The following RCAN2 variants were observed in gnomAD, a reference collection of about 807,000 sequenced individuals.
RCAN2 encodes the protein regulator of calcineurin 2, also known as calcipressin-2.
In RCAN2, 9 loss-of-function variants were observed where a neutral mutation model predicts 23.6. The observed-to-expected ratio is 0.38, with a 90% CI of 0.23 to 0.67. The LOEUF is 0.67. RCAN2 is among the 30% of genes least tolerant of loss of function. The pLI, the probability that RCAN2 is intolerant of heterozygous loss-of-function variation, is 0.51. For synonymous variants in RCAN2, 109 were observed against 115.7 expected (o/e 0.94, Z 0.37); for missense variants, 273 against 302.3 (o/e 0.90, Z 0.72).
intron 2 of RCAN2, among the ~76,000 whole-genome samples, chr6:46,332,392 C>A (rs548368007): frequency 6.6e-6 from 1 of 151,844 alleles, no homozygotes. Context: ...ATGTGCCATG[C>A]GGGTGTGCTG....
chr6:46,342,804 G>C (rs1764371104), intron 2 of RCAN2, among the ~76,000 whole-genome samples: 1 of 152,012 alleles, frequency 6.6e-6, no homozygotes, highest in Non-Finnish European at 1.5e-5. Flanking sequence ...TTTATGGTTT[G>C]ATGTGGGCTA....
At chr6:46,256,858 A>G (rs1766934493) in intron 2 of RCAN2, among the ~76,000 whole-genome samples, 1 of 152,220 alleles carries the variant, frequency 6.6e-6, no homozygotes, top group Non-Finnish European at 1.5e-5. Flanking sequence ...AAAGCTTCTC[A>G]TAGATCCTTG....
chr6:46,421,434 T>C (rs1766888128), intron 2 of RCAN2, among the ~76,000 whole-genome samples: 1 of 152,140 alleles, frequency 6.6e-6, no homozygotes, highest in African/African-American at 2.4e-5. Flanking sequence ...AATAATGTAA[T>C]AGGAAACTCA....
rs577331081 is a variant in RCAN2, at chr6:46,443,706, C to T, written c.225+13046G>A. ...TTTCTTTATGAACGTCAAATCTTAA[C>T]TACAAGGGTGATTTGGATTCAGTGC... On this transcript the variant is annotated intron_variant, in intron 2 of 4. Transcript: ENST00000371374. 2.0e-5 allele frequency among the ~76,000 whole-genome samples: 3 copies of T among 152,234 alleles called. No homozygotes were observed. In the East Asian group the frequency reaches 5.8e-4, roughly 29 times the overall value.
At chr6:46,260,813 C>A (rs933667139) in intron 2 of RCAN2, among the ~76,000 whole-genome samples, 3 of 152,212 alleles carry the variant, frequency 2.0e-5, no homozygotes, top group African/African-American at 7.2e-5. Flanking sequence ...GAAAGGAGCT[C>A]TCCCACATGT....
chr6:46,480,431 T>A (rs73456906), intron 1 of RCAN2, among the ~76,000 whole-genome samples: 2 of 152,150 alleles, frequency 1.3e-5, no homozygotes, highest in African/African-American at 4.8e-5. Context: ...TACCAAAACA[T>A]AAGCATTTCA....
At chr6:46,305,087 G>A (rs904414362) in intron 2 of RCAN2, among the ~76,000 whole-genome samples, 1 of 152,162 alleles carries the variant, frequency 6.6e-6, no homozygotes, top group East Asian at 1.9e-4. Context: ...ATGCAATTCT[G>A]ATTATCTTCA....
chr6:46,338,460 A>G (rs946858707), intron 2 of RCAN2, among the ~76,000 whole-genome samples: 2 of 152,198 alleles, frequency 1.3e-5, no homozygotes, highest in African/African-American at 2.4e-5. Context: ...AAGCCTGGCT[A>G]GGGTAATCTT....
rs545116043 is a variant in RCAN2, at chr6:46,405,323, G to T, written c.225+51429C>A. On this transcript the variant is annotated intron_variant, in intron 2 of 4. Coordinates refer to ENST00000371374, the MANE Select transcript of RCAN2 (RefSeq NM_001251974.2). ...TTATTGCAAAGAGGGAAAGAACAAA[G>T]CTTCCACAGGGTGGAAGGGGACCCG... Among the ~76,000 whole-genome samples the T allele has an allele frequency of 7.9e-4, 121 of 152,256 alleles. 1 individual carries two copies. The highest frequency in any genetic ancestry group is 2.8e-3 in the African/African-American group (116 of 41,560).
At chr6:46,312,780 T>A (rs759410349) in intron 2 of RCAN2, among the ~76,000 whole-genome samples, 14 of 152,206 alleles carry the variant, frequency 9.2e-5, no homozygotes, top group Non-Finnish European at 2.1e-4. Context: ...TCACAAGCCC[T>A]CATCGGGTCT....
chr6:46,429,414 T>C (rs1395029060), intron 2 of RCAN2, among the ~76,000 whole-genome samples: 2 of 152,194 alleles, frequency 1.3e-5, no homozygotes, highest in African/African-American at 4.8e-5. Flanking sequence ...TCTTTTACCT[T>C]GCACATTTGC....
At chr6:46,433,971 G>A (rs1050860294) in intron 2 of RCAN2, among the ~76,000 whole-genome samples, 1 of 152,018 alleles carries the variant, frequency 6.6e-6, no homozygotes, top group African/African-American at 2.4e-5. Flanking sequence ...CATATTACTG[G>A]GTATAACTAC....
intron 2 of RCAN2, among the ~76,000 whole-genome samples, chr6:46,448,203 C>A (rs1299656113): frequency 1.3e-5 from 2 of 151,646 alleles, no homozygotes; most frequent in East Asian, 3.8e-4. Flanking sequence ...TTACTATGAA[C>A]AATTATATGC....
intron 1 of RCAN2, among the ~76,000 whole-genome samples, chr6:46,480,050 C>T (rs557101908): frequency 6.6e-6 from 1 of 152,286 alleles, no homozygotes; most frequent in African/African-American, 2.4e-5. Flanking sequence ...CAAATTCCGG[C>T]ACCAAAACCA....
At chr6:46,313,496 C>G (rs1763331229) in intron 2 of RCAN2, among the ~76,000 whole-genome samples, 1 of 152,226 alleles carries the variant, frequency 6.6e-6, no homozygotes, top group East Asian at 1.9e-4. Flanking sequence ...CCATAGCCTT[C>G]AACCTAAATT....
chr6:46,239,394 T>C (rs957377320), intron 4 of RCAN2, among the ~76,000 whole-genome samples: 4 of 152,170 alleles, frequency 2.6e-5, no homozygotes, highest in African/African-American at 9.6e-5. Flanking sequence ...GAGCTCCTAT[T>C]GAACTTTGGT....
At chr6:46,352,884 G>A (rs1764705764) in intron 2 of RCAN2, among the ~76,000 whole-genome samples, 1 of 152,172 alleles carries the variant, frequency 6.6e-6, no homozygotes, top group Non-Finnish European at 1.5e-5. Flanking sequence ...CACACGATGG[G>A]CAGGTTGGAT....
At chr6:46,393,837 T>G (rs1045971026) in intron 2 of RCAN2, among the ~76,000 whole-genome samples, 1 of 152,196 alleles carries the variant, frequency 6.6e-6, no homozygotes. Context: ...AGGGTGTTGC[T>G]TCTCCTGACC....
chr6:46,373,438 G>A (rs1161932661), intron 2 of RCAN2, among the ~76,000 whole-genome samples: 1 of 151,910 alleles, frequency 6.6e-6, no homozygotes, highest in Non-Finnish European at 1.5e-5. Flanking sequence ...CTAATTTTTT[G>A]TATTTTTAGG....
Sources: gnomAD v4.1 joint callset for allele counts (sites outside exome capture counted in the v4.1 genomes callset) on GRCh38, gnomAD v4.1.1 for gene constraint, MANE v1.5 for transcripts, NCBI Gene and HGNC (gene_info 2026-07-23, HGNC 2026-07-21) for gene names.